The following PTPRD variants were observed in gnomAD, a reference collection of about 807,000 sequenced individuals.
PTPRD encodes protein tyrosine phosphatase receptor type D.
PTPRD carries 34 observed loss-of-function variants against 214.5 expected under a neutral mutation model. The observed-to-expected ratio is 0.16, with a 90% CI of 0.12 to 0.21. PTPRD has a LOEUF of 0.21. Ranked by LOEUF, PTPRD falls within the 10% of genes least tolerant of loss-of-function variation. The pLI is 1.00. For synonymous variants in PTPRD, 1,128 were observed against 845.7 expected, an observed-to-expected ratio of 1.33 and a Z score of -5.79; for missense variants, 2,545 against 2,398.7, an observed-to-expected ratio of 1.06 and a Z score of -1.27.
Position 9,009,162 on chromosome 9 carries a change from T to A in PTPRD, c.-104+9535A>T, listed in dbSNP as rs961391399. ...TTTTATTTAGGATTTTTTTTTCCAATATCTATCTCAATATTTTGTTTGATA... is the reference window on the plus strand; with the variant it reads ...TTTTATTTAGGATTTTTTTTTCCAAAATCTATCTCAATATTTTGTTTGATA... On this transcript the variant is annotated intron_variant, in intron 11 of 45. Coordinates refer to ENST00000381196, the MANE Select transcript of PTPRD (RefSeq NM_002839.4). Among the ~76,000 whole-genome samples, 5 of 152,232 alleles carry A rather than the reference T, an allele frequency of 3.3e-5. No homozygotes were observed. In the East Asian group the frequency reaches 9.7e-4, roughly 29 times the overall value.
At chr9:8,961,660 GT>G (rs2099159482) in intron 11 of PTPRD, among the ~76,000 whole-genome samples, 1 of 152,102 alleles carries the variant, frequency 6.6e-6, no homozygotes, top group South Asian at 2.1e-4. Context: ...TGAACAGAAG[GT>G]TTTAGTTTCC....
intron 5 of PTPRD, among the ~76,000 whole-genome samples, chr9:9,845,471 A>G (rs2059354870): frequency 6.6e-6 from 1 of 151,650 alleles, no homozygotes; most frequent in African/African-American, 2.4e-5. Flanking sequence ...GAAGCTCATG[A>G]GCATATACGT....
chr9:8,379,862 G>C (rs563162476), intron 37 of PTPRD, among the ~76,000 whole-genome samples: 9 of 152,112 alleles, frequency 5.9e-5, no homozygotes, highest in Non-Finnish European at 1.0e-4. Flanking sequence ...TGGAAGGTCA[G>C]GCAGAGTCTC....
intron 3 of PTPRD, among the ~76,000 whole-genome samples, chr9:10,188,079 C>T (rs2099346101): frequency 6.6e-6 from 1 of 152,166 alleles, no homozygotes; most frequent in Non-Finnish European, 1.5e-5. Context: ...TCTCTGCTAA[C>T]ATTATTTAAC....
chr9:8,755,578 C>T (rs1465533056), intron 11 of PTPRD, among the ~76,000 whole-genome samples: 1 of 150,714 alleles, frequency 6.6e-6, no homozygotes, highest in African/African-American at 2.4e-5. Flanking sequence ...CTTACATATT[C>T]ATCCAAACTA....
chr9:10,367,430 G>A (rs141336445), intron 2 of PTPRD, among the ~76,000 whole-genome samples: 23 of 152,192 alleles, frequency 1.5e-4, no homozygotes, highest in African/African-American at 4.1e-4. Context: ...CTGTGTTACC[G>A]TTTGAGCCAA....
intron 3 of PTPRD, among the ~76,000 whole-genome samples, chr9:10,112,271 C>A (rs2098697562): frequency 6.6e-6 from 1 of 152,110 alleles, no homozygotes; most frequent in African/African-American, 2.4e-5. Flanking sequence ...TTTCTTGGAG[C>A]ATGTGGTTGG....
intron 5 of PTPRD, among the ~76,000 whole-genome samples, chr9:9,853,560 T>C (rs181686153): frequency 6.6e-6 from 1 of 151,048 alleles, no homozygotes; most frequent in Non-Finnish European, 1.5e-5. Context: ...TGTTTTTTGG[T>C]TTTTTTTTAG....
chr9:8,676,162 T>C (rs1362477296), intron 12 of PTPRD, among the ~76,000 whole-genome samples: 4 of 152,196 alleles, frequency 2.6e-5, no homozygotes, highest in African/African-American at 7.2e-5. Context: ...TAAATCTCCA[T>C]GCATTTGTTT....
intron 12 of PTPRD, among the ~76,000 whole-genome samples, chr9:8,668,588 T>G (rs1415707800): frequency 6.6e-6 from 1 of 152,172 alleles, no homozygotes; most frequent in Non-Finnish European, 1.5e-5. Context: ...ACTAGACGAT[T>G]TACTTGTTTA....
At chr9:10,137,965 C>T (rs931670456) in intron 3 of PTPRD, among the ~76,000 whole-genome samples, 1 of 151,964 alleles carries the variant, frequency 6.6e-6, no homozygotes, top group Non-Finnish European at 1.5e-5. Flanking sequence ...AATAATCTAA[C>T]ATCACACCTA....
intron 36 of PTPRD, among the ~76,000 whole-genome samples, chr9:8,391,335 A>C (rs1166135105): frequency 1.3e-5 from 2 of 152,168 alleles, no homozygotes; most frequent in African/African-American, 4.8e-5. Flanking sequence ...CACCAGCATT[A>C]GTTGAAAAGC....
intron 22 of PTPRD, among the ~76,000 whole-genome samples, chr9:8,505,533 G>C (rs1487727222): frequency 6.7e-6 from 1 of 149,328 alleles, no homozygotes; most frequent in Non-Finnish European, 1.5e-5. Context: ...GAGGCAGGAG[G>C]ATGGCGTGAA....
intron 21 of PTPRD, among the ~76,000 whole-genome samples, chr9:8,512,217 T>C (rs892870620): frequency 1.3e-5 from 2 of 152,004 alleles, no homozygotes; most frequent in African/African-American, 4.8e-5. Flanking sequence ...ATTATAACGG[T>C]AGTAAAACAA....
At chr9:8,769,483 T>C (rs1351200534) in intron 11 of PTPRD, among the ~76,000 whole-genome samples, 5 of 152,172 alleles carry the variant, frequency 3.3e-5, no homozygotes, top group Non-Finnish European at 5.9e-5. Context: ...GCCGAGGCAG[T>C]AGACAACAAA....
chr9:8,746,092 T>C (rs2092767032), intron 11 of PTPRD, among the ~76,000 whole-genome samples: 1 of 149,654 alleles, frequency 6.7e-6, no homozygotes, highest in South Asian at 2.1e-4. Flanking sequence ...CCATGCCCAA[T>C]CGATTTTTTT....
At chr9:9,683,351 A>C (rs1224053927) in intron 7 of PTPRD, among the ~76,000 whole-genome samples, 1 of 151,732 alleles carries the variant, frequency 6.6e-6, no homozygotes, top group Non-Finnish European at 1.5e-5. Flanking sequence ...GGCATCACAG[A>C]ACTTTGTCAG....
intron 3 of PTPRD, among the ~76,000 whole-genome samples, chr9:10,278,891 C>T (rs2094906200): frequency 6.6e-6 from 1 of 152,126 alleles, no homozygotes; most frequent in Admixed American, 6.5e-5. Context: ...TCTCCTGCCT[C>T]AGCCTCCCGA....
At chr9:10,578,710 T>C (rs1170874104) in intron 2 of PTPRD, among the ~76,000 whole-genome samples, 1 of 152,130 alleles carries the variant, frequency 6.6e-6, no homozygotes, top group Non-Finnish European at 1.5e-5. Flanking sequence ...GCCACTTTCG[T>C]TCATATTAGT....
Sources: allele counts gnomAD v4.1 joint callset (sites outside exome capture counted in the v4.1 genomes callset), GRCh38; gene constraint gnomAD v4.1.1; transcripts MANE v1.5; gene names NCBI Gene and HGNC (gene_info 2026-07-23, HGNC 2026-07-21).